Variants in ZZEF1 observed in about 807,000 individuals in gnomAD.
ZZEF1 encodes zinc finger ZZ-type and EF-hand domain containing 1, also known as zinc finger ZZ-type and EF-hand domain-containing protein 1.
A neutral mutation model predicts 342.8 loss-of-function variants in ZZEF1; 157 were observed. The ratio of observed to expected loss-of-function variants is 0.46; its 90% CI spans 0.40 to 0.52. The LOEUF (loss-of-function observed/expected upper bound fraction) is 0.52. Ranked by LOEUF, ZZEF1 falls within the 20% of genes least tolerant of loss-of-function variation. ZZEF1 has a pLI of 0.00. For synonymous variants in ZZEF1, 1,505 were observed against 1,429.1 expected (o/e 1.05, Z -1.20); for missense variants, 3,480 against 3,725.6 (o/e 0.93, Z 1.72).
chr17:4,020,753 T>C (rs978591610), intron 45 of ZZEF1, among the ~76,000 whole-genome samples: 1 of 152,198 alleles, frequency 6.6e-6, no homozygotes, highest in Non-Finnish European at 1.5e-5. Context: ...ATAGATTACC[T>C]AGTAAAGGTA....
At position 4,006,782 on chromosome 17, in the gene ZZEF1, A is replaced by C. The variant is rs1377499918; in HGVS notation, c.*108T>G. On this transcript the variant is annotated 3_prime_UTR_variant, in exon 55 of 55. Transcript: ENST00000381638. ...GCATCCTAACTGGAGTGGTCAGCTC[A>C]AGGAGAGCTGGGCACTGGCGCTACA... 1.1e-5 allele frequency: 14 copies of C among 1,219,016 alleles called. No homozygotes were observed. Among genetic ancestry groups the C allele is most frequent in the Non-Finnish European group, 1.7e-5 (14 of 846,432 alleles). The allele number at this position is 1,219,016 out of a possible 1,614,324, so 75.5% of individuals were successfully genotyped here.
intron 32 of ZZEF1, 73 bp from the exon 33 acceptor site, chr17:4,056,418 T>C: frequency 6.8e-7 from 1 of 1,469,674 alleles, no homozygotes; most frequent in Non-Finnish European, 9.0e-7. Context: ...TAGCAGACCC[T>C]GTGTCTATAG....
chr17:4,074,388 AGAG>A (rs771453960), intron 23 of ZZEF1, 37 bp from the exon 24 acceptor site: 8 of 1,603,378 alleles, frequency 5.0e-6, no homozygotes, highest in Non-Finnish European at 6.8e-6. Flanking sequence ...CAGACAGATT[AGAG>A]GAGGAGTGCT....
At chr17:4,082,279 T>C (rs1274375913) in intron 17 of ZZEF1, among the ~76,000 whole-genome samples, 158 bp downstream of exon 17, 2 of 152,218 alleles carry the variant, frequency 1.3e-5, no homozygotes, top group Non-Finnish European at 2.9e-5. Context: ...AACAAGATTA[T>C]TATTTTACCA....
intron 1 of ZZEF1, among the ~76,000 whole-genome samples, chr17:4,140,834 C>A (rs1173985594): frequency 6.6e-6 from 1 of 151,408 alleles, no homozygotes; most frequent in African/African-American, 2.4e-5. Flanking sequence ...TCATAATACG[C>A]GTAGATACTA....
At chr17:4,023,661 A>G (rs981177510) in intron 43 of ZZEF1, among the ~76,000 whole-genome samples, 1 of 151,088 alleles carries the variant, frequency 6.6e-6, no homozygotes, top group African/African-American at 2.4e-5. Context: ...CTCTCCAAAA[A>G]AAAAAAAAAA....
At chr17:4,128,858 G>A (rs990347264) in intron 1 of ZZEF1, among the ~76,000 whole-genome samples, 3 of 133,506 alleles carry the variant, frequency 2.2e-5, no homozygotes, top group Non-Finnish European at 3.1e-5. Context: ...TGCAACCTCC[G>A]CCTCCCGAGT....
intron 2 of ZZEF1, among the ~76,000 whole-genome samples, chr17:4,122,316 T>C (rs1436298477): frequency 6.6e-6 from 1 of 152,026 alleles, no homozygotes; most frequent in African/African-American, 2.4e-5. Context: ...TTATTATGAT[T>C]CTGTCTTTAC....
Position 4,143,018 on chromosome 17 carries a change from C to T in ZZEF1, c.-123G>A, listed in dbSNP as rs535119753. 2 of 1,271,474 alleles carry T rather than the reference C, an allele frequency of 1.6e-6. No individual in the cohort carries two copies. The highest frequency in any genetic ancestry group is 2.0e-6 in the Non-Finnish European group (2 of 1,013,692). The allele number at this position is 1,271,474 out of a possible 1,614,324, so 78.8% of individuals were successfully genotyped here. On this transcript the variant is annotated 5_prime_UTR_variant, in exon 1 of 55. Transcript: ENST00000381638. ...GAGGAGACGACGGCGGCCCCTGCGG[C>T]TTCCGGCTTCCTGGCCGTCAAGCGA...
At chr17:4,085,101 G>A (rs1471397625) in intron 16 of ZZEF1, among the ~76,000 whole-genome samples, 2 of 152,058 alleles carry the variant, frequency 1.3e-5, no homozygotes, top group African/African-American at 4.8e-5. Flanking sequence ...AACAGAACAA[G>A]AACCTATCTA....
chr17:4,056,796 T>C (rs2057170606), intron 32 of ZZEF1: 1 of 152,208 alleles, frequency 6.6e-6, no homozygotes, highest in Admixed American at 6.5e-5. Context: ...CTGTGAGACC[T>C]TGACACATGA....
chr17:4,066,339 G>T, intron 28 of ZZEF1, 108 bp downstream of exon 28: 1 of 935,254 alleles, frequency 1.1e-6, no homozygotes, highest in Non-Finnish European at 1.7e-6. Flanking sequence ...CTTTCCCTAG[G>T]TCAACACAGC....
Position 4,142,992 on chromosome 17 carries a change from G to C in ZZEF1, c.-97C>G, listed in dbSNP as rs549467104. On this transcript the variant is annotated 5_prime_UTR_variant, in exon 1 of 55. Transcript: ENST00000381638. Reference sequence around the variant, plus strand: ...GACAGCAGCTGGCGGGCGGGGACGCGGAGGAGACGACGGCGGCCCCTGCGG... The same window carrying C: ...GACAGCAGCTGGCGGGCGGGGACGCCGAGGAGACGACGGCGGCCCCTGCGG... 2 of 1,270,538 alleles carry C rather than the reference G, an allele frequency of 1.6e-6. No individual in the cohort carries two copies. Among genetic ancestry groups the C allele is most frequent in the Non-Finnish European group, 2.0e-6 (2 of 1,013,000 alleles). The allele number at this position is 1,270,538 out of a possible 1,614,324, so 78.7% of individuals were successfully genotyped here.
chr17:4,011,477 A>G (rs925840677), intron 52 of ZZEF1, among the ~76,000 whole-genome samples: 1 of 151,978 alleles, frequency 6.6e-6, no homozygotes, highest in African/African-American at 2.4e-5. Context: ...GATGCTTGCA[A>G]GGTTGCTCAG....
chr17:4,022,297 G>C (rs1045627685), intron 44 of ZZEF1: 1 of 163,474 alleles, frequency 6.1e-6, no homozygotes, highest in East Asian at 1.7e-4. Context: ...AAAACTCTAA[G>C]GTCTACGGGG....
In ZZEF1 at chr17:4,064,616, C is replaced by A. The variant is rs917568659; in HGVS notation, c.4463G>T (p.Ser1488Ile). Residue 1488 changes from serine (S) to isoleucine (I), a missense_variant, in exon 29 of 55, where the codon AGT becomes ATT. Physicochemically the swap from Ser to Ile is moderately radical, Grantham distance 142 (BLOSUM62 -2). This residue lies in a region of ZZEF1 where 1,528 missense variants were observed against 1,624.1 expected (regional missense o/e 0.94). Transcript: ENST00000381638. ...EAAPPATGDQSPGLGTQPKLP... is the reference protein window; with the variant it reads ...EAAPPATGDQIPGLGTQPKLP... ...CTTTGGCTGGGTGCCCAGGCCAGGA[C>A]TCTGGTCTCCTGTGGCAGGGGGTGC... is the stretch of plus-strand genomic sequence containing the variant. 1 of 1,614,002 alleles carries A rather than the reference C, an allele frequency of 6.2e-7. No individual in the cohort carries two copies. Among genetic ancestry groups the A allele is most frequent in the Non-Finnish European group, 8.5e-7 (1 of 1,180,026 alleles).
intron 11 of ZZEF1, among the ~76,000 whole-genome samples, chr17:4,094,745 TTCAG>T (rs774335527): frequency 8.5e-5 from 13 of 152,178 alleles, no homozygotes; most frequent in Non-Finnish European, 1.3e-4. Flanking sequence ...CTGCTCCACA[TTCAG>T]TCAATCACCA....
intron 32 of ZZEF1, 108 bp from the exon 33 acceptor site, chr17:4,056,453 A>C (rs954323664): frequency 1.3e-5 from 15 of 1,191,892 alleles, no homozygotes; most frequent in Middle Eastern, 2.1e-4. Context: ...GCATTTTTCA[A>C]CTTCTGAGAG....
At chr17:4,063,598 A>G (rs185438042) in intron 29 of ZZEF1, among the ~76,000 whole-genome samples, 22 of 152,276 alleles carry the variant, frequency 1.4e-4, no homozygotes, top group Admixed American at 5.2e-4. Context: ...GTCTTGCTCT[A>G]TCACCCAGGC....
Sources: allele counts gnomAD v4.1 joint callset (sites outside exome capture counted in the v4.1 genomes callset), GRCh38; gene constraint gnomAD v4.1.1; regional missense constraint gnomAD v4.1.1; transcripts MANE v1.5; gene names NCBI Gene and HGNC (gene_info 2026-07-23, HGNC 2026-07-21).